Variants in SNX29 observed in about 807,000 individuals in gnomAD.
The protein encoded by SNX29 is sorting nexin 29, also known as sorting nexin-29.
A neutral mutation model predicts 102.1 loss-of-function variants in SNX29; 78 were observed. The observed-to-expected ratio is 0.76, with a 90% CI of 0.64 to 0.92. The LOEUF is 0.92. SNX29 is among the 40% of genes least tolerant of loss of function. The probability of loss-of-function intolerance (pLI) is 0.00; values close to 1 mark genes in which losing one functional copy is unlikely to be tolerated. For missense variants in SNX29, 1,280 were observed against 1,061.7 expected (o/e 1.21, Z -2.86); for synonymous variants, 580 against 414.5 (o/e 1.40, Z -4.85).
chr16:12,408,262 C>T (rs1475274579), intron 18 of SNX29, among the ~76,000 whole-genome samples: 1 of 152,336 alleles, frequency 6.6e-6, no homozygotes, highest in East Asian at 1.9e-4. Flanking sequence ...CCTGCATGGG[C>T]AGCCACCTAC....
intron 18 of SNX29, among the ~76,000 whole-genome samples, chr16:12,448,616 C>CT (rs1054632174): frequency 3.9e-5 from 6 of 152,060 alleles, no homozygotes; most frequent in African/African-American, 7.2e-5. Context: ...CAGATGACTT[C>CT]TTTTTTTTCC....
intron 20 of SNX29, among the ~76,000 whole-genome samples, chr16:12,542,448 C>CA (rs1430499282): frequency 6.6e-6 from 1 of 152,220 alleles, no homozygotes; most frequent in East Asian, 1.9e-4. Context: ...TTTGTTTCCT[C>CA]AGCTTCCCAA....
intron 1 of SNX29, among the ~76,000 whole-genome samples, chr16:11,992,928 G>A (rs898618048): frequency 6.6e-5 from 10 of 152,090 alleles, no homozygotes; most frequent in African/African-American, 2.4e-4. Flanking sequence ...TCAGGAGGCT[G>A]AGGTGGGTGG....
chr16:12,510,789 A>G (rs770656194), intron 19 of SNX29, among the ~76,000 whole-genome samples: 6 of 152,192 alleles, frequency 3.9e-5, no homozygotes, highest in Admixed American at 2.6e-4. Flanking sequence ...AAGCAAAGAA[A>G]AAATAGGCTT....
At chr16:12,085,744 A>G (rs1448930850) in intron 11 of SNX29, among the ~76,000 whole-genome samples, 1 of 152,228 alleles carries the variant, frequency 6.6e-6, no homozygotes, top group Non-Finnish European at 1.5e-5. Flanking sequence ...AACTGACTGT[A>G]TGCCATGTAT....
At chr16:12,536,023 G>A (rs550733293) in intron 20 of SNX29, among the ~76,000 whole-genome samples, 22 of 152,256 alleles carry the variant, frequency 1.4e-4, no homozygotes, top group African/African-American at 4.3e-4. Flanking sequence ...GAGCTATCCC[G>A]TTCCTAATTT....
At chr16:12,108,453 G>A (rs535933962) in intron 11 of SNX29, among the ~76,000 whole-genome samples, 1 of 152,360 alleles carries the variant, frequency 6.6e-6, no homozygotes, top group African/African-American at 2.4e-5. Flanking sequence ...GGCACCTGGA[G>A]GCTGGTTCTG....
chr16:12,438,556 C>T (rs1275628131), intron 18 of SNX29, among the ~76,000 whole-genome samples: 2 of 152,200 alleles, frequency 1.3e-5, no homozygotes, highest in Non-Finnish European at 2.9e-5. Flanking sequence ...TTAACACAGA[C>T]CAGCATTGAG....
chr16:12,143,408 C>T (rs2054936045), intron 13 of SNX29, among the ~76,000 whole-genome samples: 2 of 144,214 alleles, frequency 1.4e-5, no homozygotes, highest in African/African-American at 5.0e-5. Flanking sequence ...TTGAGTCCTG[C>T]TTCTCAGGGT....
intron 19 of SNX29, among the ~76,000 whole-genome samples, chr16:12,487,381 C>T (rs936942429): frequency 9.2e-5 from 14 of 152,196 alleles, no homozygotes; most frequent in African/African-American, 3.4e-4. Flanking sequence ...GCTTGCCAGA[C>T]ACACCGGGAA....
At chr16:12,062,042 C>T (rs2050797721) in intron 9 of SNX29, among the ~76,000 whole-genome samples, 1 of 152,284 alleles carries the variant, frequency 6.6e-6, no homozygotes, top group South Asian at 2.1e-4. Flanking sequence ...CCCTGCCACC[C>T]TGTGCAGAAA....
At chr16:12,432,170 T>C (rs1185758043) in intron 18 of SNX29, among the ~76,000 whole-genome samples, 1 of 152,194 alleles carries the variant, frequency 6.6e-6, no homozygotes, top group Admixed American at 6.5e-5. Flanking sequence ...TTTTTCTTCA[T>C]TGATTGGGGC....
intron 18 of SNX29, among the ~76,000 whole-genome samples, chr16:12,475,482 A>C (rs2087548701): frequency 6.6e-6 from 1 of 152,212 alleles, no homozygotes; most frequent in Admixed American, 6.5e-5. Flanking sequence ...TGCTGTACAG[A>C]AGCTCCTTGA....
At chr16:12,164,899 G>C (rs1234764485) in intron 13 of SNX29, among the ~76,000 whole-genome samples, 1 of 152,014 alleles carries the variant, frequency 6.6e-6, no homozygotes. Flanking sequence ...TGTTTGTCAG[G>C]CTGGTCTTGA....
intron 18 of SNX29, among the ~76,000 whole-genome samples, chr16:12,410,525 C>T (rs1038551935): frequency 1.3e-5 from 2 of 151,974 alleles, no homozygotes; most frequent in Non-Finnish European, 2.9e-5. Flanking sequence ...TGGCTCATTT[C>T]AGCCTTGAAT....
chr16:12,559,554 A>C (rs2865571), intron 20 of SNX29, among the ~76,000 whole-genome samples: 1 of 151,832 alleles, frequency 6.6e-6, no homozygotes. Flanking sequence ...ACATCTGTGG[A>C]AAATTTTTCT....
intron 13 of SNX29, among the ~76,000 whole-genome samples, chr16:12,170,975 C>G (rs1323549364): frequency 6.6e-6 from 1 of 151,928 alleles, no homozygotes; most frequent in Non-Finnish European, 1.5e-5. Flanking sequence ...TCCCGGCCAG[C>G]GTGTTTAGGG....
chr16:12,192,765 C>T (rs1243866360), intron 13 of SNX29, among the ~76,000 whole-genome samples: 3 of 152,188 alleles, frequency 2.0e-5, no homozygotes, highest in Non-Finnish European at 4.4e-5. Context: ...TTCAATGGCA[C>T]GATCTCGGCT....
rs544830118 is a variant in SNX29, at chr16:12,331,485, A to C, written c.1783-24678A>C. Among the ~76,000 whole-genome samples the C allele has an allele frequency of 7.9e-5, 12 of 152,334 alleles. No homozygotes were observed. The South Asian group carries it at 1.4e-3, about 18-fold the overall frequency. On this transcript the variant is annotated intron_variant, in intron 15 of 20. Coordinates refer to ENST00000566228, the MANE Select transcript of SNX29 (RefSeq NM_032167.5). ...TCTGACACACTGTGTCATTGTGGGC[A>C]TGTTCCTTAATGTCTCTGAGCCTCA...
Sources: gnomAD v4.1 joint callset for allele counts (sites outside exome capture counted in the v4.1 genomes callset) on GRCh38, gnomAD v4.1.1 for gene constraint, MANE v1.5 for transcripts, NCBI Gene and HGNC (gene_info 2026-07-23, HGNC 2026-07-21) for gene names.